Variants in BMP5 observed in about 807,000 individuals in gnomAD.
BMP5 encodes bone morphogenetic protein 5.
In BMP5, 23 loss-of-function variants were observed where a neutral mutation model predicts 46.6. The observed-to-expected ratio is 0.49, with a 90% CI of 0.35 to 0.70. The LOEUF (loss-of-function observed/expected upper bound fraction) is 0.70, where lower values mean the gene tolerates loss of function less well. BMP5 is among the 30% of genes least tolerant of loss of function. BMP5 has a pLI of 0.00. For synonymous variants in BMP5, 204 were observed against 191.9 expected (o/e 1.06, Z -0.52); for missense variants, 545 against 565.6 (o/e 0.96, Z 0.37).
intron 1 of BMP5, among the ~76,000 whole-genome samples, chr6:55,834,336 G>A (rs1776735607): frequency 6.6e-6 from 1 of 152,002 alleles, no homozygotes; most frequent in Admixed American, 6.6e-5. Flanking sequence ...GTTATATTCT[G>A]AGAAAAGAAT....
chr6:55,840,898 C>G (rs1280894463), intron 1 of BMP5, among the ~76,000 whole-genome samples: 1 of 152,156 alleles, frequency 6.6e-6, no homozygotes, highest in Non-Finnish European at 1.5e-5. Flanking sequence ...AAAGGGGTCT[C>G]CAACCCCCAG....
intron 1 of BMP5, among the ~76,000 whole-genome samples, chr6:55,867,185 G>A (rs1247188626): frequency 3.3e-5 from 5 of 152,042 alleles, no homozygotes; most frequent in Admixed American, 3.3e-4. Flanking sequence ...ATATGGTCTG[G>A]GTATTTATCC....
At chr6:55,772,816 C>T in intron 4 of BMP5, 1 of 985,104 alleles carries the variant, frequency 1.0e-6, no homozygotes, top group Non-Finnish European at 1.2e-6. Context: ...GCTTCTGTTG[C>T]TTGCCACACA....
At chr6:55,872,646 A>G (rs1297675374) in intron 1 of BMP5, among the ~76,000 whole-genome samples, 1 of 151,782 alleles carries the variant, frequency 6.6e-6, no homozygotes, top group Non-Finnish European at 1.5e-5. Flanking sequence ...TTCTCTTGTG[A>G]ATGATCAGAG....
At position 55,831,575 on chromosome 6, in the gene BMP5, T is replaced by C. The variant is rs9464292; in HGVS notation, c.491-11728A>G. The stretch of plus-strand genomic sequence containing the variant: ...AGAAAGTTAATCTCAGTTTGAAAGA[T>C]TGAATTGAGCAAATTCTCAAAAAAG... On this transcript the variant is annotated intron_variant, in intron 1 of 6. Transcript: ENST00000370830. Among the ~76,000 whole-genome samples the C allele has an allele frequency of 6.0e-3, 906 of 151,958 alleles. 12 individuals carry two copies. The highest frequency in any genetic ancestry group is 0.02 in the African/African-American group (849 of 41,450).
chr6:55,822,195 G>A (rs956145320), intron 1 of BMP5, among the ~76,000 whole-genome samples: 4 of 152,062 alleles, frequency 2.6e-5, no homozygotes, highest in East Asian at 3.9e-4. Flanking sequence ...GATATGCTGC[G>A]TCTGCTAACA....
chr6:55,859,544 TTAAG>T (rs1002430695), intron 1 of BMP5, among the ~76,000 whole-genome samples: 7 of 152,102 alleles, frequency 4.6e-5, no homozygotes, highest in African/African-American at 1.7e-4. Context: ...AAATCAAGAA[TTAAG>T]TAAGGGTACA....
At position 55,754,049 on chromosome 6, in the gene BMP5, C is replaced by G. The variant is rs1774518622; in HGVS notation, c.*1484G>C. ...ATTTCAAAACAACATTTTAATATACCCGAATTACAAACAAAGCCATAACAT... is the reference window on the plus strand; with the variant it reads ...ATTTCAAAACAACATTTTAATATACGCGAATTACAAACAAAGCCATAACAT... On this transcript the variant is annotated 3_prime_UTR_variant, in exon 7 of 7. Transcript: ENST00000370830. The G allele has an allele frequency of 1.3e-5, 2 of 151,574 alleles. No individual in the cohort carries two copies. Among genetic ancestry groups the G allele is most frequent in the African/African-American group, 4.8e-5 (2 of 41,310 alleles). 9.4% of individuals were successfully genotyped at this position (151,574 alleles called of 1,614,324 possible).
At chr6:55,834,120 A>G (rs1328098158) in intron 1 of BMP5, among the ~76,000 whole-genome samples, 1 of 152,126 alleles carries the variant, frequency 6.6e-6, no homozygotes, top group Non-Finnish European at 1.5e-5. Context: ...GCAATCACCT[A>G]ATTACCCTCT....
intron 1 of BMP5, among the ~76,000 whole-genome samples, chr6:55,850,904 T>C (rs1777226687): frequency 6.6e-6 from 1 of 152,180 alleles, no homozygotes; most frequent in Non-Finnish European, 1.5e-5. Context: ...TTACAAGATG[T>C]AGAATGCTTT....
chr6:55,759,818 C>T (rs190436897), intron 5 of BMP5, among the ~76,000 whole-genome samples: 1 of 151,830 alleles, frequency 6.6e-6, no homozygotes, highest in African/African-American at 2.4e-5. Flanking sequence ...TTGAGTTATT[C>T]ATGTGGAAAG....
At chr6:55,768,936 T>A (rs921751030) in intron 4 of BMP5, among the ~76,000 whole-genome samples, 2 of 151,968 alleles carry the variant, frequency 1.3e-5, no homozygotes, top group South Asian at 4.1e-4. Flanking sequence ...CTACAGTCAA[T>A]TAAGTGTGTA....
At chr6:55,813,839 T>A (rs1307865621) in intron 2 of BMP5, among the ~76,000 whole-genome samples, 2 of 151,698 alleles carry the variant, frequency 1.3e-5, no homozygotes, top group East Asian at 3.9e-4. Flanking sequence ...TTTCCAAAAA[T>A]TATACCTTAA....
At chr6:55,812,521 A>G (rs532893412) in intron 2 of BMP5, among the ~76,000 whole-genome samples, 12 of 152,294 alleles carry the variant, frequency 7.9e-5, no homozygotes, top group Admixed American at 7.2e-4. Flanking sequence ...TACTGTACAG[A>G]TCTCCCTTAC....
chr6:55,794,257 A>T (rs756443933), intron 3 of BMP5, 22 bp downstream of exon 3: 8 of 1,613,404 alleles, frequency 5.0e-6, no homozygotes, highest in Non-Finnish European at 6.8e-6. Flanking sequence ...TCACAAAAAA[A>T]TATATAAAAT....
intron 1 of BMP5, among the ~76,000 whole-genome samples, chr6:55,834,261 G>C (rs1306115509): frequency 6.6e-6 from 1 of 152,114 alleles, no homozygotes; most frequent in African/African-American, 2.4e-5. Context: ...AGTCACTTTA[G>C]GGTAGACTTT....
intron 1 of BMP5, among the ~76,000 whole-genome samples, chr6:55,857,021 G>A (rs1207226203): frequency 1.3e-5 from 2 of 152,044 alleles, no homozygotes. Context: ...CCGAAGCTTT[G>A]TAAAGTTTTA....
At chr6:55,804,865 A>C (rs1014590413) in intron 2 of BMP5, among the ~76,000 whole-genome samples, 16 of 152,200 alleles carry the variant, frequency 1.1e-4, no homozygotes, top group African/African-American at 3.9e-4. Context: ...GAGGCTACTT[A>C]TAGGATGCAT....
At position 55,755,240 on chromosome 6, in the gene BMP5, A is replaced by C; in HGVS notation, c.*293T>G. On this transcript the variant is annotated 3_prime_UTR_variant, in exon 7 of 7. Transcript: ENST00000370830. ...TTATGTAAAATTGTATTAGAAAAAA[A>C]TGTTGAAATGGAATTGAATGGACTC... 1 of 209,024 alleles carries C rather than the reference A, an allele frequency of 4.8e-6. No individual in the cohort carries two copies. The highest frequency in any genetic ancestry group is 9.5e-6 in the Non-Finnish European group (1 of 105,268). The allele number at this position is 209,024 out of a possible 1,614,324, so 12.9% of individuals were successfully genotyped here.
Sources: gnomAD v4.1 joint callset for allele counts (sites outside exome capture counted in the v4.1 genomes callset) on GRCh38, gnomAD v4.1.1 for gene constraint, MANE v1.5 for transcripts, NCBI Gene and HGNC (gene_info 2026-07-23, HGNC 2026-07-21) for gene names.